Variants in CEP120 observed in about 807,000 individuals in gnomAD.
CEP120 encodes centrosomal protein 120.
In CEP120, 113 loss-of-function variants were observed where a neutral mutation model predicts 126.5. The ratio of observed to expected loss-of-function variants is 0.89; its 90% confidence interval spans 0.77 to 1.04. The LOEUF (loss-of-function observed/expected upper bound fraction) is 1.04. Among genes scored for constraint, CEP120 ranks in the 50% least tolerant of loss-of-function variants. The pLI is 0.00. For missense variants in CEP120, 1,230 were observed against 1,155.7 expected, an observed-to-expected ratio of 1.06 and a Z score of -0.93; for synonymous variants, 400 against 394.3, an observed-to-expected ratio of 1.01 and a Z score of -0.17.
intron 4 of CEP120, among the ~76,000 whole-genome samples, chr5:123,406,934 G>A (rs970640451): frequency 1.3e-5 from 2 of 151,862 alleles, no homozygotes; most frequent in Non-Finnish European, 2.9e-5. Flanking sequence ...TGAAAGCAAT[G>A]ATACAAGGGA....
Position 123,382,179 on chromosome 5 carries a change from G to A in CEP120, c.2035C>T (p.His679Tyr), listed in dbSNP as rs1252413192. 6.2e-7 allele frequency: 1 copy of A among 1,606,558 alleles called. No individual in the cohort carries two copies. The highest frequency in any genetic ancestry group is 1.3e-5 in the African/African-American group (1 of 74,498). ...CATTCCTCTGCAAGAGCCTGCATAT[G>A]AGCCAGTTCTTTCTGCTTCAGCTAC... ...ENQLKQKELA[H>Y]MQALAEEWKK... Residue 679 changes from histidine (H) to tyrosine (Y), a missense_variant, in exon 14 of 20, where the codon CAT (histidine) becomes TAT (tyrosine). Physicochemically the swap from His to Tyr is moderately conservative, Grantham distance 83. Coordinates refer to ENST00000306467, the MANE Select transcript of CEP120 (RefSeq NM_001375405.1).
At chr5:123,400,060 A>T (rs1207481589) in intron 4 of CEP120, among the ~76,000 whole-genome samples, 2 of 152,214 alleles carry the variant, frequency 1.3e-5, no homozygotes, top group Non-Finnish European at 2.9e-5. Flanking sequence ...ATAACCAATT[A>T]GAGGGTGATA....
chr5:123,391,245 G>A lies in CEP120; in HGVS notation c.903C>T (p.His301=). ...LKKGSTEINQ[H]PVTVEGAFTL... ...TAAAAGCACCTTCGACTGTGACTGG[G>A]TGCTGGTTGATTTCTGTACTGCCCT... is the stretch of plus-strand genomic sequence containing the variant. The change falls in exon 7 of 20, where the codon CAC becomes CAT. Residue 301 remains histidine (H), a synonymous_variant. Coordinates refer to ENST00000306467, the MANE Select transcript of CEP120 (RefSeq NM_001375405.1). 7.4e-6 allele frequency: 12 copies of A among 1,614,160 alleles called. No individual in the cohort carries two copies. Among genetic ancestry groups the A allele is most frequent in the Non-Finnish European group, 1.0e-5 (12 of 1,180,034 alleles).
rs549411146 is a variant in CEP120, at chr5:123,401,079, C to T, written c.464-1795G>A. 30 of 1,588,036 alleles carry T rather than the reference C, an allele frequency of 1.9e-5. No individual in the cohort carries two copies. The South Asian group carries it at 3.1e-4, about 16-fold the overall frequency. On this transcript the variant is annotated intron_variant, in intron 4 of 19. Transcript: ENST00000306467. ...GAGGCCCCCACAGGCCGAGCTCAGA[C>T]CACTTGCATAGCCGCTGGTGGTCTT... is the stretch of plus-strand genomic sequence containing the variant.
intron 7 of CEP120, chr5:123,390,373 G>A: frequency 1.7e-6 from 1 of 586,432 alleles, no homozygotes; most frequent in Non-Finnish European, 3.2e-6. Context: ...ATCCTAATGG[G>A]TAAGAAGGGA....
At chr5:123,401,863 G>T in intron 4 of CEP120, 5 of 1,543,166 alleles carry the variant, frequency 3.2e-6, no homozygotes, top group Non-Finnish European at 4.4e-6. Flanking sequence ...TCCGCCTCCA[G>T]CTTCAGTTTC....
chr5:123,363,594 T>C (rs766863028), intron 18 of CEP120, among the ~76,000 whole-genome samples: 1 of 151,582 alleles, frequency 6.6e-6, no homozygotes, highest in Non-Finnish European at 1.5e-5. Context: ...TCATTTGTAA[T>C]GCTTACAATC....
intron 1 of CEP120, among the ~76,000 whole-genome samples, chr5:123,420,104 G>GT (rs1366702119): frequency 2.6e-5 from 4 of 152,164 alleles, no homozygotes; most frequent in African/African-American, 9.7e-5. Context: ...TGTATTAGGA[G>GT]TATTAACACA....
At chr5:123,349,104 C>A (rs776945650) in intron 19 of CEP120, among the ~76,000 whole-genome samples, 1 of 152,144 alleles carries the variant, frequency 6.6e-6, no homozygotes, top group Non-Finnish European at 1.5e-5. Context: ...TTTTATGCTG[C>A]TTCCTAGTGA....
At chr5:123,374,472 TTGAA>T (rs142383620) in intron 16 of CEP120, among the ~76,000 whole-genome samples, 1,562 of 152,264 alleles carry the variant, frequency 0.01, 8 homozygotes, top group Non-Finnish European at 0.019. Context: ...ATGTTCTTTT[TTGAA>T]TGAGTTTTTT....
chr5:123,377,559 A>G (rs757963179), intron 15 of CEP120, 24 bp from the exon 16 acceptor site: 31 of 1,561,148 alleles, frequency 2.0e-5, no homozygotes, highest in Middle Eastern at 1.7e-4. Context: ...CATCTTTAAG[A>G]GGTTGGTTTA....
rs1037708528 is a variant in CEP120 at position 123,423,329 on chromosome 5, G to GGCC, written c.-334_-332dup. The GGCC allele has an allele frequency of 2.6e-5, 9 of 351,722 alleles. No individual in the cohort carries two copies. The highest frequency in any genetic ancestry group is 1.5e-4 in the African/African-American group (7 of 45,824). 21.8% of individuals were successfully genotyped at this position (351,722 alleles called of 1,614,324 possible). On this transcript the variant is annotated 5_prime_UTR_variant, in exon 1 of 20. Transcript: ENST00000306467. The stretch of plus-strand genomic sequence containing the variant: ...TTTCAAACGCCCGGGCGGCCGCAGC[G>GGCC]GCCGCCGCCGCGCCCAGCTTCCGCC...
Position 123,349,984 on chromosome 5 carries a change from C to T in CEP120, c.2686G>A (p.Glu896Lys), listed in dbSNP as rs780184609. ...CTTATATCCAACAATTCTTGTCGCT[C>T]GGTTTTTACTGTATCTTTTTCCTCA... is the stretch of plus-strand genomic sequence containing the variant. The part of the protein sequence containing the change: ...AAEEKDTVKT[E>K]RQELLDIRNE... The change falls in exon 19 of 20, where the codon GAG becomes AAG. Residue 896 changes from glutamate (E) to lysine (K), a missense_variant. Physicochemically the swap from Glu to Lys is moderately conservative, Grantham distance 56 (BLOSUM62 1). Transcript: ENST00000306467. 8.7e-6 allele frequency: 14 copies of T among 1,613,630 alleles called. No individual in the cohort carries two copies. Among genetic ancestry groups the T allele is most frequent in the Admixed American group, 8.3e-5 (5 of 59,926 alleles).
chr5:123,411,251 CA>C (rs1308761845), intron 4 of CEP120, among the ~76,000 whole-genome samples: 6 of 152,118 alleles, frequency 3.9e-5, no homozygotes. Flanking sequence ...ATAGCACGGC[CA>C]CTTTGGAAGG....
rs1440380969 is a variant in CEP120 at position 123,372,597 on chromosome 5, T to G, written c.2481+53A>C. ...TATTGTATACACATTATTGATTGAT[T>G]TTATAAATTAATCACTGGGACTAGT... On this transcript the variant is annotated intron_variant, in intron 17 of 19. Transcript: ENST00000306467. 2.0e-6 allele frequency: 3 copies of G among 1,533,628 alleles called. No individual in the cohort carries two copies. The African/African-American group carries it at 4.1e-5, about 21-fold the overall frequency.
chr5:123,399,148 G>C lies in CEP120; in HGVS notation c.600C>G (p.Thr200=). 6.2e-7 allele frequency: 1 copy of C among 1,608,600 alleles called. No homozygotes were observed. Among genetic ancestry groups the C allele is most frequent in the Non-Finnish European group, 8.5e-7 (1 of 1,176,738 alleles). The part of the protein sequence containing the change: ...FIMSVTIAFA[T]QLEQLIPCTM... ...TGAAAAGTCTCACCTGTTCCAACTG[G>C]GTAGCAAATGCTATGGTCACTGACA... Residue 200 remains threonine, a synonymous_variant, in exon 5 of 20, where the codon ACC becomes ACG. Transcript: ENST00000306467.
rs1768727523 is a variant in CEP120 at position 123,345,255 on chromosome 5, AT to A, written c.*1263del. ...TTACTGCTGGGTTATTTTTTACTAG[AT>A]TAATACTCTGTTAATAAGGAAAAAA... On this transcript the variant is annotated 3_prime_UTR_variant, in exon 20 of 20. Transcript: ENST00000306467. 1 of 152,108 alleles carries A rather than the reference AT, an allele frequency of 6.6e-6. No individual in the cohort carries two copies. The highest frequency in any genetic ancestry group is 1.5e-5 in the Non-Finnish European group (1 of 68,012). 9.4% of individuals were successfully genotyped at this position (152,108 alleles called of 1,614,324 possible). A position where few individuals can be genotyped will look rare whatever the true frequency, so the allele number is the denominator to read the frequency against.
intron 2 of CEP120, among the ~76,000 whole-genome samples, chr5:123,417,728 C>A (rs964501829): frequency 6.6e-6 from 1 of 151,222 alleles, no homozygotes; most frequent in South Asian, 2.1e-4. Flanking sequence ...AAAAAAAAAC[C>A]CAAACAGCTC....
At chr5:123,377,798 TTTGAA>T (rs1442040090) in intron 15 of CEP120, among the ~76,000 whole-genome samples, 3 of 152,132 alleles carry the variant, frequency 2.0e-5, no homozygotes, top group Non-Finnish European at 4.4e-5. Context: ...AACATTTCCA[TTTGAA>T]TAAAACCTTT....
Sources: gnomAD v4.1 joint callset for allele counts (sites outside exome capture counted in the v4.1 genomes callset) on GRCh38, gnomAD v4.1.1 for gene constraint, MANE v1.5 for transcripts, NCBI Gene and HGNC (gene_info 2026-07-23, HGNC 2026-07-21) for gene names.